DNAH2: variants seen among roughly 807,000 people sequenced by gnomAD.
DNAH2 encodes axonemal beta dynein heavy chain 2.
A neutral mutation model predicts 523.5 loss-of-function variants in DNAH2; 323 were observed. The ratio of observed to expected loss-of-function variants is 0.62; its 90% CI spans 0.56 to 0.68. The LOEUF is 0.68. Ranked by LOEUF, DNAH2 falls within the 30% of genes least tolerant of loss-of-function variation. The probability of loss-of-function intolerance (pLI) is 0.00; values close to 1 mark genes in which losing one functional copy is unlikely to be tolerated. For missense variants in DNAH2, 4,907 were observed against 5,701.5 expected, an observed-to-expected ratio of 0.86 and a Z score of 4.49; for synonymous variants, 2,093 against 2,177.4, an observed-to-expected ratio of 0.96 and a Z score of 1.08.
intron 63 of DNAH2, among the ~76,000 whole-genome samples, chr17:7,809,910 C>G (rs753601037): frequency 2.2e-4 from 33 of 151,794 alleles, no homozygotes; most frequent in Admixed American, 8.5e-4. Context: ...CTGTGTTGCC[C>G]AGGCTGGTCT....
rs1390139875 is a variant in DNAH2, at chr17:7,760,901, C to G, written c.2947C>G (p.Pro983Ala). The change falls in exon 18 of 86, where the codon CCT (proline) becomes GCT (alanine). Residue 983 changes from proline (P) to alanine (A), a missense_variant. Pro to Ala is a conservative substitution (Grantham distance 27, BLOSUM62 -1). Coordinates refer to ENST00000572933, the MANE Select transcript of DNAH2 (RefSeq NM_020877.5). The surrounding 1 kb of genome is among the most constrained non-coding windows in gnomAD (Gnocchi z 4.0). ...TCATCGCTACCAGCGCCTCAACCCT[C>G]CTGTCTCTTCTTTTGTTGCCGACAT... Reference protein sequence around the residue: ...FIHRYQRLNPPVSSFVADIAR... With the variant: ...FIHRYQRLNPAVSSFVADIAR... 6.2e-7 allele frequency: 1 copy of G among 1,614,064 alleles called. No homozygotes were observed. The highest frequency in any genetic ancestry group is 8.5e-7 in the Non-Finnish European group (1 of 1,180,046).
At chr17:7,743,198 G>GAATTTCAC in intron 12 of DNAH2, 56 bp downstream of exon 12, 1 of 1,546,224 alleles carries the variant, frequency 6.5e-7, no homozygotes, top group African/African-American at 1.4e-5. Context: ...GCTCTCCCAA[G>GAATTTCAC]AATTTCACTC....
chr17:7,833,166 C>T lies in DNAH2; in HGVS notation c.13074C>T (p.Cys4358=), dbSNP rs2078236953. Residue 4358 remains cysteine (C), a synonymous_variant, in exon 85 of 86, where the codon TGC becomes TGT. Coordinates refer to ENST00000572933, the MANE Select transcript of DNAH2 (RefSeq NM_020877.5). The part of the protein sequence containing the change: ...LVEAEPMQLV[C]LMPTIHFRPA... ...AGGCAGAGCCCATGCAGCTTGTCTGCCTCATGCCCACGATCCACTTCCGGC... is the reference window on the plus strand; with the variant it reads ...AGGCAGAGCCCATGCAGCTTGTCTGTCTCATGCCCACGATCCACTTCCGGC... 2 of 1,610,066 alleles carry T rather than the reference C, an allele frequency of 1.2e-6. No homozygotes were observed. Among genetic ancestry groups the T allele is most frequent in the South Asian group, 2.2e-5 (2 of 91,080 alleles).
At chr17:7,748,576 G>C (rs1238674678) in intron 12 of DNAH2, among the ~76,000 whole-genome samples, 1 of 152,124 alleles carries the variant, frequency 6.6e-6, no homozygotes, top group Non-Finnish European at 1.5e-5. Flanking sequence ...GCTCACTGTA[G>C]CCTCCGCCTC....
At chr17:7,741,022 C>A (rs770124514) in intron 11 of DNAH2, 30 bp downstream of exon 11, 1 of 1,574,672 alleles carries the variant, frequency 6.4e-7, no homozygotes, top group South Asian at 1.1e-5. Flanking sequence ...CATATTCTGT[C>A]GTCAGTGAGA....
In DNAH2 at chr17:7,832,236, G is replaced by A. The variant is rs958785529; in HGVS notation, c.12727-343G>A. ...CAAAATAAGGATTTGGGCTGGACGC[G>A]GTGGCTCATGCCTGCAATCTCAGCA... On this transcript the variant is annotated intron_variant, in intron 82 of 85. Transcript: ENST00000572933. The surrounding 1 kb of genome is among the most constrained non-coding windows in gnomAD (Gnocchi z 4.3). Among the ~76,000 whole-genome samples the A allele has an allele frequency of 6.6e-6, 1 of 152,092 alleles. No individual in the cohort carries two copies. The highest frequency in any genetic ancestry group is 1.5e-5 in the Non-Finnish European group (1 of 68,030).
At chr17:7,765,986 C>T (rs527938276) in intron 21 of DNAH2, among the ~76,000 whole-genome samples, 3 of 152,064 alleles carry the variant, frequency 2.0e-5, no homozygotes, top group South Asian at 2.1e-4. Context: ...ACCATGTTGG[C>T]GAGGATGGTC....
chr17:7,799,303 C>T, intron 56 of DNAH2, 61 bp downstream of exon 56: 2 of 1,587,520 alleles, frequency 1.3e-6, no homozygotes, highest in East Asian at 4.5e-5. Flanking sequence ...CTGCTGTGGC[C>T]TCCTGTGCCT....
chr17:7,796,594 G>A lies in DNAH2; in HGVS notation c.7805G>A (p.Arg2602His), dbSNP rs755654547. The change falls in exon 50 of 86, where the codon CGC becomes CAC. Residue 2602 changes from arginine to histidine, a missense_variant. Transcript: ENST00000572933. ...GACATGTACAACACCGTGGTACAGC[G>A]CTTCCTGCCCACGCCCACCAAGATG... ...TLDMYNTVVQ[R>H]FLPTPTKMHY... The A allele has an allele frequency of 3.3e-5, 53 of 1,612,786 alleles. No individual in the cohort carries two copies. Among genetic ancestry groups the A allele is most frequent in the Middle Eastern group, 1.6e-4 (1 of 6,078 alleles).
Position 7,786,825 on chromosome 17 carries a change from C to T in DNAH2, c.6467-72C>T. 6.2e-7 allele frequency: 1 copy of T among 1,608,378 alleles called. No homozygotes were observed. The highest frequency in any genetic ancestry group is 2.2e-5 in the East Asian group (1 of 44,732). The stretch of plus-strand genomic sequence containing the variant: ...AGTACAAGGGAGTGTAGGCTTGTGT[C>T]TCCGAGGAGCGTGAGCGGAGGGTGC... On this transcript the variant is annotated intron_variant, in intron 41 of 85. Transcript: ENST00000572933. The surrounding 1 kb of genome is among the most constrained non-coding windows in gnomAD (Gnocchi z 7.5).
rs377271135 is a variant in DNAH2 at position 7,757,080 on chromosome 17, C to G, written c.1905-11C>G. Reference sequence around the variant, plus strand: ...GCGGTCCCCTCACTGCCTGGCTGCTCTCTCTCAAAGGTCCCTTCTGATTCT... The same window carrying G: ...GCGGTCCCCTCACTGCCTGGCTGCTGTCTCTCAAAGGTCCCTTCTGATTCT... On this transcript the variant is annotated splice_polypyrimidine_tract_variant and intron_variant, in intron 12 of 85. Transcript: ENST00000572933. 3.1e-6 allele frequency: 5 copies of G among 1,613,854 alleles called. No homozygotes were observed. In the African/African-American group the frequency reaches 6.7e-5, roughly 22 times the overall value.
Position 7,776,346 on chromosome 17 carries a change from G to C in DNAH2, c.4947+197G>C, listed in dbSNP as rs11658349. On this transcript the variant is annotated intron_variant, in intron 31 of 85. Coordinates refer to ENST00000572933, the MANE Select transcript of DNAH2 (RefSeq NM_020877.5). ...TCTGGTGTGGTGGTGTGCTCCTGTA[G>C]TCCCAGTTTCTCAGGAGGCCGAGGC... Among the ~76,000 whole-genome samples the C allele has an allele frequency of 4.6e-5, 7 of 151,792 alleles. No individual in the cohort carries two copies. The East Asian group carries it at 1.4e-3, about 30-fold the overall frequency.
chr17:7,746,402 A>C (rs1032415159), intron 12 of DNAH2, among the ~76,000 whole-genome samples: 2 of 152,238 alleles, frequency 1.3e-5, no homozygotes, highest in Non-Finnish European at 2.9e-5. Flanking sequence ...ATAGTAGTGT[A>C]CTATACATAT....
At position 7,801,709 on chromosome 17, in the gene DNAH2, A is replaced by G. The variant is rs776395737; in HGVS notation, c.8831A>G (p.Asn2944Ser). The part of the protein sequence containing the change: ...LIGVDLGTQE[N>S]IHRKVAQIFV... Reference sequence around the variant, plus strand: ...GGAGTAGACCTGGGAACTCAGGAGAATGTGAGCCCCTCCTCCCCACCTCTC... The same window carrying G: ...GGAGTAGACCTGGGAACTCAGGAGAGTGTGAGCCCCTCCTCCCCACCTCTC... Residue 2944 changes from asparagine (N) to serine (S), a missense_variant and splice_region_variant, in exon 57 of 86, where the codon AAT (asparagine) becomes AGT (serine). By Grantham distance (46) the Asn-to-Ser change is conservative. Transcript: ENST00000572933. 5 of 1,613,862 alleles carry G rather than the reference A, an allele frequency of 3.1e-6. No homozygotes were observed. In the Admixed American group the frequency reaches 5.0e-5, roughly 16 times the overall value.
intron 60 of DNAH2, 88 bp downstream of exon 60, chr17:7,805,162 T>C: frequency 6.3e-7 from 1 of 1,596,370 alleles, no homozygotes; most frequent in Non-Finnish European, 8.6e-7. Flanking sequence ...TCAAAGACTC[T>C]GGGGAAGTGG....
chr17:7,726,554 C>T (rs773458737), intron 3 of DNAH2, among the ~76,000 whole-genome samples: 7 of 152,016 alleles, frequency 4.6e-5, no homozygotes, highest in Admixed American at 1.3e-4. Flanking sequence ...CCACTTGCCT[C>T]GGCCTCCCAA....
chr17:7,816,312 G>GT (rs1450800670), intron 63 of DNAH2, among the ~76,000 whole-genome samples: 1 of 152,102 alleles, frequency 6.6e-6, no homozygotes, highest in Non-Finnish European at 1.5e-5. Context: ...AAACTACCAA[G>GT]TAGTTTCTGG....
rs1025464110 is a variant in DNAH2 at position 7,745,806 on chromosome 17, A to G, written c.1904+2664A>G. Among the ~76,000 whole-genome samples the G allele has an allele frequency of 3.3e-3, 502 of 152,070 alleles. 3 individuals carry two copies. The highest frequency in any genetic ancestry group is 0.011 in the African/African-American group (477 of 41,492). ...CCCTGTCTCAAACAAAAAAAAAAAA[A>G]AAAAGAAAAGAAAAAAGAAATGCCA... On this transcript the variant is annotated intron_variant, in intron 12 of 85. Coordinates refer to ENST00000572933, the MANE Select transcript of DNAH2 (RefSeq NM_020877.5).
rs981739844 is a variant in DNAH2, at chr17:7,796,295, C to T, written c.7675-169C>T. ...AACTCCCGACCTCAAGTGATCTGCCCGCCTTGGCCTCCCAAAGTACTGGGA... is the reference window on the plus strand; with the variant it reads ...AACTCCCGACCTCAAGTGATCTGCCTGCCTTGGCCTCCCAAAGTACTGGGA... On this transcript the variant is annotated intron_variant, in intron 49 of 85. Coordinates refer to ENST00000572933, the MANE Select transcript of DNAH2 (RefSeq NM_020877.5). Among the ~76,000 whole-genome samples, 6 of 151,962 alleles carry T rather than the reference C, an allele frequency of 3.9e-5. No individual in the cohort carries two copies. The East Asian group carries it at 5.8e-4, about 15-fold the overall frequency.
Sources: gnomAD v4.1 joint callset for allele counts (sites outside exome capture counted in the v4.1 genomes callset) on GRCh38, gnomAD v4.1.1 for gene constraint, Gnocchi (gnomAD v3.1) non-coding constraint, MANE v1.5 for transcripts, NCBI Gene and HGNC (gene_info 2026-07-23, HGNC 2026-07-21) for gene names.